PRKG1: variants seen among roughly 807,000 people sequenced by gnomAD.
PRKG1 encodes the protein protein kinase cGMP-dependent 1, also known as cGMP-dependent protein kinase 1.
Under a neutral mutation model 88.1 loss-of-function variants are expected in PRKG1, and 35 were observed. That is an observed-to-expected ratio of 0.40 (90% CI 0.30 to 0.53). PRKG1 has a LOEUF of 0.53. Among genes scored for constraint, PRKG1 ranks in the 20% least tolerant of loss-of-function variants. PRKG1 has a pLI of 0.59. For missense variants in PRKG1, 540 were observed against 839.8 expected (o/e 0.64, Z 4.41); for synonymous variants, 303 against 292.5 (o/e 1.04, Z -0.37).
chr10:51,881,941 T>G (rs1841448981), intron 4 of PRKG1, among the ~76,000 whole-genome samples: 1 of 152,142 alleles, frequency 6.6e-6, no homozygotes, highest in Non-Finnish European at 1.5e-5. Flanking sequence ...GCAGTCTGTT[T>G]TTGACCACCA....
intron 2 of PRKG1, among the ~76,000 whole-genome samples, chr10:51,305,188 C>A (rs1004419913): frequency 6.6e-6 from 1 of 152,126 alleles, no homozygotes; most frequent in African/African-American, 2.4e-5. Context: ...AGGGCAATAG[C>A]TATGAGACTG....
chr10:51,948,043 T>G (rs1401989792), intron 5 of PRKG1, among the ~76,000 whole-genome samples: 2 of 152,150 alleles, frequency 1.3e-5, no homozygotes, highest in African/African-American at 4.8e-5. Context: ...TATTATTACT[T>G]TTTTATAAAT....
chr10:52,251,744 C>T, intron 10 of PRKG1, 78 bp downstream of exon 10: 1 of 1,199,280 alleles, frequency 8.3e-7, no homozygotes, highest in South Asian at 1.4e-5. Flanking sequence ...AGATTTCTTT[C>T]TTTTCTCTTG....
At chr10:52,263,249 T>C (rs889514475) in intron 10 of PRKG1, among the ~76,000 whole-genome samples, 5 of 152,154 alleles carry the variant, frequency 3.3e-5, no homozygotes, top group Non-Finnish European at 7.4e-5. Flanking sequence ...GGGGAACTTT[T>C]ATTGTAAGTG....
chr10:51,262,851 C>T, intron 2 of PRKG1, among the ~76,000 whole-genome samples: 1 of 151,920 alleles, frequency 6.6e-6, no homozygotes, highest in Admixed American at 6.6e-5. Flanking sequence ...AACAAGGGGG[C>T]AATCTGGCCC....
intron 2 of PRKG1, among the ~76,000 whole-genome samples, chr10:51,289,993 T>C (rs1840541316): frequency 6.6e-6 from 1 of 152,200 alleles, no homozygotes; most frequent in Non-Finnish European, 1.5e-5. Flanking sequence ...GTTTTTGACT[T>C]AGACACCTTT....
intron 2 of PRKG1, among the ~76,000 whole-genome samples, chr10:51,416,975 C>T (rs577047993): frequency 2.0e-5 from 3 of 152,140 alleles, no homozygotes; most frequent in African/African-American, 4.8e-5. Flanking sequence ...AACTAGTAAA[C>T]GTGTTTCCAG....
chr10:51,132,076 G>A (rs1845579851), intron 1 of PRKG1, among the ~76,000 whole-genome samples: 1 of 152,052 alleles, frequency 6.6e-6, no homozygotes, highest in Non-Finnish European at 1.5e-5. Context: ...AAAATTACCT[G>A]TAAACCTCAG....
intron 10 of PRKG1, among the ~76,000 whole-genome samples, chr10:52,269,467 A>G (rs1841661528): frequency 6.6e-6 from 1 of 152,020 alleles, no homozygotes. Flanking sequence ...ACCGAGGCCC[A>G]TTTATTTGCA....
At chr10:51,031,956 T>C (rs955292586) in intron 1 of PRKG1, among the ~76,000 whole-genome samples, 5 of 152,206 alleles carry the variant, frequency 3.3e-5, no homozygotes, top group Admixed American at 1.3e-4. Context: ...TATTGAGCAA[T>C]ATAGCATATC....
intron 3 of PRKG1, among the ~76,000 whole-genome samples, chr10:51,591,855 A>G (rs1485897036): frequency 6.6e-6 from 1 of 152,204 alleles, no homozygotes; most frequent in Non-Finnish European, 1.5e-5. Flanking sequence ...GGAAAATTGT[A>G]TTAGATTGCA....
intron 1 of PRKG1, among the ~76,000 whole-genome samples, chr10:51,126,273 T>TTATTTATATATTTATATATAAA (rs1170607717): frequency 4.1e-5 from 1 of 24,232 alleles, no homozygotes; most frequent in Non-Finnish European, 1.0e-4. Context: ...TTATTTATAA[T>TTATTTATATATTTATATATAAA]TATTTATATA....
chr10:52,156,154 G>A (rs1373204568), intron 8 of PRKG1, among the ~76,000 whole-genome samples: 1 of 151,824 alleles, frequency 6.6e-6, no homozygotes, highest in Non-Finnish European at 1.5e-5. Context: ...CTAATACTCT[G>A]GTGTGTGTAA....
intron 3 of PRKG1, among the ~76,000 whole-genome samples, chr10:51,480,300 A>T (rs1840316930): frequency 6.6e-6 from 1 of 152,312 alleles, no homozygotes; most frequent in African/African-American, 2.4e-5. Flanking sequence ...GTGTCTTCTG[A>T]TATAATCTCT....
intron 5 of PRKG1, among the ~76,000 whole-genome samples, chr10:52,033,978 G>C (rs867353114): frequency 1.9e-4 from 14 of 74,288 alleles, no homozygotes; most frequent in African/African-American, 5.5e-4. Context: ...GCTCAGTGGG[G>C]GTGCTTTTTG....
At chr10:51,914,415 G>T (rs74135035) in intron 5 of PRKG1, among the ~76,000 whole-genome samples, 6,247 of 152,162 alleles carry the variant, frequency 0.041, 437 homozygotes, top group African/African-American at 0.14. Context: ...ATACCTTGAG[G>T]AAAACCGAAC....
chr10:51,748,043 T>C (rs1455134700), intron 3 of PRKG1, among the ~76,000 whole-genome samples: 2 of 152,218 alleles, frequency 1.3e-5, no homozygotes, highest in South Asian at 2.1e-4. Context: ...CTATTGTCTT[T>C]CTACTAGTTC....
At chr10:51,437,907 C>G (rs918887513) in intron 2 of PRKG1, among the ~76,000 whole-genome samples, 1 of 150,392 alleles carries the variant, frequency 6.6e-6, no homozygotes, top group Non-Finnish European at 1.5e-5. Context: ...CAAGACAGTC[C>G]CTACAATGGA....
intron 4 of PRKG1, among the ~76,000 whole-genome samples, chr10:51,822,276 A>G (rs1036358543): frequency 2.6e-5 from 4 of 152,084 alleles, no homozygotes; most frequent in Non-Finnish European, 5.9e-5. Context: ...CGCAACATGG[A>G]TGAGCATTGA....
Sources: allele counts gnomAD v4.1 joint callset (sites outside exome capture counted in the v4.1 genomes callset), GRCh38; gene constraint gnomAD v4.1.1; transcripts MANE v1.5; gene names NCBI Gene and HGNC (gene_info 2026-07-23, HGNC 2026-07-21).